LTBP1: variants seen among roughly 807,000 people sequenced by gnomAD.
LTBP1 encodes latent-transforming growth factor beta-binding protein 1.
Under a neutral mutation model 207.6 loss-of-function variants are expected in LTBP1, and 129 were observed. The ratio of observed to expected loss-of-function variants is 0.62; its 90% CI spans 0.54 to 0.72. The LOEUF is 0.72. Among genes scored for constraint, LTBP1 ranks in the 30% least tolerant of loss-of-function variants. LTBP1 has a pLI of 0.00. For synonymous variants in LTBP1, 963 were observed against 833.7 expected (o/e 1.16, Z -2.67); for missense variants, 2,281 against 2,217.2 (o/e 1.03, Z -0.58).
At chr2:33,182,499 A>G (rs1253128528) in intron 5 of LTBP1, among the ~76,000 whole-genome samples, 1 of 151,186 alleles carries the variant, frequency 6.6e-6, no homozygotes, top group Non-Finnish European at 1.5e-5. Context: ...CATCTCTACT[A>G]AAAATACAAA....
chr2:33,174,000 G>A (rs1231923262), intron 5 of LTBP1, among the ~76,000 whole-genome samples: 4 of 133,888 alleles, frequency 3.0e-5, no homozygotes, highest in East Asian at 2.1e-4. Context: ...TTGATGGGAC[G>A]TATCTCAAAA....
chr2:33,126,016 G>A (rs2081411677), intron 4 of LTBP1, among the ~76,000 whole-genome samples: 1 of 152,104 alleles, frequency 6.6e-6, no homozygotes, highest in African/African-American at 2.4e-5. Context: ...GGGCCTAGAA[G>A]ATACTTTCAA....
intron 31 of LTBP1, among the ~76,000 whole-genome samples, chr2:33,369,445 C>T (rs1028358248): frequency 7.2e-5 from 11 of 152,216 alleles, no homozygotes; most frequent in African/African-American, 2.7e-4. Context: ...AGAACAACTA[C>T]TTAGGCTCTT....
At chr2:33,025,253 T>G (rs1315860474) in intron 3 of LTBP1, among the ~76,000 whole-genome samples, 1 of 152,200 alleles carries the variant, frequency 6.6e-6, no homozygotes, top group Non-Finnish European at 1.5e-5. Flanking sequence ...GCTGCACTGC[T>G]TAAATGGAGA....
intron 5 of LTBP1, among the ~76,000 whole-genome samples, chr2:33,175,195 G>A (rs1046857462): frequency 1.3e-5 from 2 of 150,740 alleles, no homozygotes; most frequent in African/African-American, 4.9e-5. Context: ...CACAGCAAAA[G>A]AAACTACCAT....
chr2:33,205,932 TAGG>T (rs1213064467), intron 7 of LTBP1, among the ~76,000 whole-genome samples: 1 of 151,984 alleles, frequency 6.6e-6, no homozygotes, highest in African/African-American at 2.4e-5. Flanking sequence ...ACCCACAAGC[TAGG>T]AGGAGGGGCC....
chr2:33,343,191 C>T (rs953543659), intron 25 of LTBP1, among the ~76,000 whole-genome samples: 1 of 151,956 alleles, frequency 6.6e-6, no homozygotes, highest in Non-Finnish European at 1.5e-5. Flanking sequence ...TGCTTGAGAC[C>T]AGGAGTTTGA....
intron 3 of LTBP1, among the ~76,000 whole-genome samples, chr2:33,085,720 G>C (rs918696093): frequency 6.6e-6 from 1 of 152,160 alleles, no homozygotes; most frequent in Admixed American, 6.5e-5. Context: ...AGGCAGGGGG[G>C]CCAGGATTCA....
chr2:33,118,060 C>G (rs2080863066), intron 4 of LTBP1, among the ~76,000 whole-genome samples: 1 of 152,044 alleles, frequency 6.6e-6, no homozygotes, highest in Non-Finnish European at 1.5e-5. Context: ...TAGGTCCTGA[C>G]AGATTGGGAG....
chr2:33,086,114 T>G (rs1039489210), intron 3 of LTBP1, among the ~76,000 whole-genome samples: 1 of 152,218 alleles, frequency 6.6e-6, no homozygotes, highest in African/African-American at 2.4e-5. Flanking sequence ...TGTATGTGTA[T>G]TCACCCACTG....
At chr2:33,396,511 G>C (rs1476123781) in intron 32 of LTBP1, among the ~76,000 whole-genome samples, 1 of 152,164 alleles carries the variant, frequency 6.6e-6, no homozygotes, top group African/African-American at 2.4e-5. Context: ...CATGAGCCCA[G>C]ACTTTGGGTT....
intron 4 of LTBP1, among the ~76,000 whole-genome samples, chr2:33,120,749 G>A (rs925776207): frequency 6.6e-6 from 1 of 152,038 alleles, no homozygotes; most frequent in South Asian, 2.1e-4. Flanking sequence ...TCTGCTTTTA[G>A]CTCTTTGAGG....
chr2:33,308,151 G>C (rs2094127465), intron 22 of LTBP1, among the ~76,000 whole-genome samples: 1 of 152,180 alleles, frequency 6.6e-6, no homozygotes, highest in East Asian at 1.9e-4. Flanking sequence ...ATTCACAACA[G>C]AAGAGGGCTC....
chr2:33,354,638 GT>G (rs1168932932), intron 26 of LTBP1, among the ~76,000 whole-genome samples: 2 of 151,554 alleles, frequency 1.3e-5, no homozygotes, highest in African/African-American at 2.4e-5. Context: ...AGATATCAGT[GT>G]TTTAATGAAC....
chr2:33,379,212 T>C (rs1366849617), intron 31 of LTBP1, among the ~76,000 whole-genome samples: 1 of 147,674 alleles, frequency 6.8e-6, no homozygotes, highest in Non-Finnish European at 1.5e-5. Flanking sequence ...TTTTTTTTTT[T>C]TTTTTTTCTT....
At chr2:33,263,448 T>G (rs1214715056) in intron 15 of LTBP1, 56 bp downstream of exon 15, 1 of 1,262,394 alleles carries the variant, frequency 7.9e-7, no homozygotes, top group African/African-American at 1.5e-5. Context: ...GGGCTGAGCT[T>G]CATTTTAAAT....
intron 22 of LTBP1, among the ~76,000 whole-genome samples, chr2:33,302,588 C>A (rs921490237): frequency 6.6e-6 from 1 of 152,122 alleles, no homozygotes; most frequent in South Asian, 2.1e-4. Context: ...TGGCTGAGCC[C>A]CATATCCTCC....
Position 33,188,698 on chromosome 2 carries a change from A to G in LTBP1, c.1548A>G (p.Pro516=), listed in dbSNP as rs1228316840. The G allele has an allele frequency of 1.2e-6, 2 of 1,614,206 alleles. No individual in the cohort carries two copies. Among genetic ancestry groups the G allele is most frequent in the South Asian group, 2.2e-5 (2 of 91,082 alleles). The change falls in exon 7 of 34, where the codon CCA becomes CCG. Residue 516 remains proline, a synonymous_variant. Transcript: ENST00000404816. ...GCCAGAAGACAAAAGAAGCTCAACC[A>G]GGCCAATCCCAAGTCTCGTACCAAG... The part of the protein sequence containing the change: ...PTGQKTKEAQ[P]GQSQVSYQGL...
intron 2 of LTBP1, among the ~76,000 whole-genome samples, chr2:33,006,381 CTTTTT>C (rs3047193): frequency 1.0e-4 from 12 of 116,726 alleles, no homozygotes; most frequent in Middle Eastern, 4.5e-3. Flanking sequence ...ATAAGAAAGC[CTTTTT>C]TTTTTTTTTT....
Sources: gnomAD v4.1 joint callset for allele counts (sites outside exome capture counted in the v4.1 genomes callset) on GRCh38, gnomAD v4.1.1 for gene constraint, MANE v1.5 for transcripts, NCBI Gene and HGNC (gene_info 2026-07-23, HGNC 2026-07-21) for gene names.